XPR1: variants seen among roughly 807,000 people sequenced by gnomAD.
XPR1 encodes xenotropic and polytropic retrovirus receptor 1, also known as solute carrier family 53 member 1.
A neutral mutation model predicts 87.5 loss-of-function variants in XPR1; 28 were observed. The ratio of observed to expected loss-of-function variants is 0.32; its 90% CI spans 0.24 to 0.44. The LOEUF is 0.44. XPR1 is among the 20% of genes least tolerant of loss of function. The pLI is 1.00. For missense variants in XPR1, 559 were observed against 862.3 expected, an observed-to-expected ratio of 0.65 and a Z score of 4.41; for synonymous variants, 300 against 306.1, an observed-to-expected ratio of 0.98 and a Z score of 0.21.
chr1:180,840,564 GTGTATATATATATATA>G (rs1399114389), intron 11 of XPR1, among the ~76,000 whole-genome samples: 4 of 134,216 alleles, frequency 3.0e-5, no homozygotes, highest in Admixed American at 7.7e-5. Context: ...GTGTGTGTGT[GTGTATATATATATATA>G]TATATATATA....
At chr1:180,758,757 A>G (rs1647863763) in intron 2 of XPR1, 1 of 152,316 alleles carries the variant, frequency 6.6e-6, no homozygotes, top group South Asian at 2.1e-4. Context: ...TAAAATTGGA[A>G]CGATACAGAG....
At chr1:180,836,184 C>A (rs1212058476) in intron 10 of XPR1, among the ~76,000 whole-genome samples, 2 of 151,990 alleles carry the variant, frequency 1.3e-5, no homozygotes, top group Non-Finnish European at 2.9e-5. Context: ...CATGGTGAAA[C>A]CCCATGTCTA....
At chr1:180,719,282 A>T (rs1658101992) in intron 2 of XPR1, among the ~76,000 whole-genome samples, 1 of 152,228 alleles carries the variant, frequency 6.6e-6, no homozygotes, top group African/African-American at 2.4e-5. Flanking sequence ...TTAAAGTCCA[A>T]TATGATTAAA....
chr1:180,744,654 C>CTTTTTTTTTTTTTTTTTTTTTTTTT (rs71121048), intron 2 of XPR1, among the ~76,000 whole-genome samples: 1 of 102,402 alleles, frequency 9.8e-6, no homozygotes, highest in African/African-American at 4.0e-5. Flanking sequence ...CAATTTCTTT[C>CTTTTTTTTTTTTTTTTTTTTTTTTT]TTTTTTTTTT....
chr1:180,765,031 C>T (rs991771137), intron 2 of XPR1, among the ~76,000 whole-genome samples: 2 of 152,082 alleles, frequency 1.3e-5, no homozygotes, highest in East Asian at 1.9e-4. Flanking sequence ...GTGATCCACC[C>T]GCCTTGGCCT....
intron 11 of XPR1, among the ~76,000 whole-genome samples, chr1:180,837,857 C>A (rs1651357153): frequency 6.6e-6 from 1 of 152,118 alleles, no homozygotes; most frequent in Admixed American, 6.6e-5. Flanking sequence ...AATTGGGCAA[C>A]TGATTTAATA....
Position 180,697,538 on chromosome 1 carries a change from T to A in XPR1, c.121+15127T>A, listed in dbSNP as rs891265393. The stretch of plus-strand genomic sequence containing the variant: ...TGCTTTTCTAGTTCATTGAGGTGTA[T>A]CATTAAATAATTTGAAATCCCTCTA... On this transcript the variant is annotated intron_variant, in intron 2 of 14. Coordinates refer to ENST00000367590, the MANE Select transcript of XPR1 (RefSeq NM_004736.4). Among the ~76,000 whole-genome samples, 14 of 152,200 alleles carry A rather than the reference T, an allele frequency of 9.2e-5. 1 individual carries two copies. The highest frequency in any genetic ancestry group is 2.1e-4 in the South Asian group (1 of 4,824).
rs1288539882 is a variant in XPR1 at position 180,713,360 on chromosome 1, C to CA, written c.121+30950dup. Among the ~76,000 whole-genome samples the CA allele has an allele frequency of 3.9e-5, 6 of 152,228 alleles. No individual in the cohort carries two copies. In the South Asian group the frequency reaches 1.0e-3, roughly 26 times the overall value. ...TGATCTTGTGCAAATTTGCTAAACT[C>CA]ACTTTTTAGTTACAGTAGCTTTTTA... On this transcript the variant is annotated intron_variant, in intron 2 of 14. Transcript: ENST00000367590.
chr1:180,656,200 G>A (rs1423821237), intron 1 of XPR1, among the ~76,000 whole-genome samples: 1 of 148,098 alleles, frequency 6.8e-6, no homozygotes, highest in Non-Finnish European at 1.5e-5. Flanking sequence ...AAGATGCAAA[G>A]TTTGTCTTTC....
At chr1:180,806,896 A>G (rs73040979) in intron 6 of XPR1, among the ~76,000 whole-genome samples, 2,555 of 151,870 alleles carry the variant, frequency 0.017, 80 homozygotes, top group African/African-American at 0.057. Flanking sequence ...AAAAGCATTT[A>G]TTAAATGATA....
chr1:180,645,512 C>T (rs1571672599), intron 1 of XPR1, among the ~76,000 whole-genome samples: 1 of 152,174 alleles, frequency 6.6e-6, no homozygotes, highest in African/African-American at 2.4e-5. Context: ...GAATGTGTCA[C>T]ACAAGTTAAG....
rs183681678 is a variant in XPR1, at chr1:180,873,091, A to G, written c.1669-712A>G. The stretch of plus-strand genomic sequence containing the variant: ...CAAAAATTTCACATTCATTAAATAC[A>G]TATATTTAAAGAGCTGATTTCCTTG... On this transcript the variant is annotated intron_variant, in intron 12 of 14. Transcript: ENST00000367590. Among the ~76,000 whole-genome samples, 283 of 152,264 alleles carry G rather than the reference A, an allele frequency of 1.9e-3. 1 individual carries two copies. Among genetic ancestry groups the G allele is most frequent in the African/African-American group, 6.4e-3 (265 of 41,546 alleles).
chr1:180,692,640 A>G (rs1657028958), intron 2 of XPR1, among the ~76,000 whole-genome samples: 1 of 152,178 alleles, frequency 6.6e-6, no homozygotes, highest in African/African-American at 2.4e-5. Context: ...TTCTATAAAG[A>G]TGTCACTAAC....
At chr1:180,768,668 A>T (rs994370281) in intron 2 of XPR1, among the ~76,000 whole-genome samples, 1 of 152,240 alleles carries the variant, frequency 6.6e-6, no homozygotes, top group Non-Finnish European at 1.5e-5. Flanking sequence ...AATTTCATTT[A>T]TGCTAAGAAG....
intron 11 of XPR1, among the ~76,000 whole-genome samples, chr1:180,839,468 A>G (rs1651428692): frequency 6.6e-6 from 1 of 152,210 alleles, no homozygotes; most frequent in African/African-American, 2.4e-5. Context: ...TTTATGATGA[A>G]ATAATTTTAT....
intron 1 of XPR1, among the ~76,000 whole-genome samples, chr1:180,657,745 G>C (rs1025302108): frequency 2.0e-5 from 3 of 152,010 alleles, no homozygotes; most frequent in Non-Finnish European, 4.4e-5. Flanking sequence ...TTTTCTTTTT[G>C]CTCAGGATTG....
At chr1:180,750,341 A>C (rs1647486206) in intron 2 of XPR1, among the ~76,000 whole-genome samples, 1 of 152,186 alleles carries the variant, frequency 6.6e-6, no homozygotes, top group Non-Finnish European at 1.5e-5. Flanking sequence ...ATCATTGAAG[A>C]AATGGAACAT....
At chr1:180,757,869 T>TAAAAAAA (rs35162664) in intron 2 of XPR1, among the ~76,000 whole-genome samples, 2 of 40,072 alleles carry the variant, frequency 5.0e-5, no homozygotes, top group Non-Finnish European at 8.5e-5. Flanking sequence ...GTTGAAAATG[T>TAAAAAAA]AAAAAAAAAA....
intron 7 of XPR1, among the ~76,000 whole-genome samples, chr1:180,815,799 A>C (rs530144842): frequency 6.6e-6 from 1 of 152,284 alleles, no homozygotes; most frequent in African/African-American, 2.4e-5. Flanking sequence ...GCTCTGGTAC[A>C]CTAGTGGTAA....
Sources: allele counts gnomAD v4.1 joint callset (sites outside exome capture counted in the v4.1 genomes callset), GRCh38; gene constraint gnomAD v4.1.1; transcripts MANE v1.5; gene names NCBI Gene and HGNC (gene_info 2026-07-23, HGNC 2026-07-21).